Variants in FAM168B observed in about 807,000 individuals in gnomAD.
FAM168B encodes the protein myelin-associated neurite-outgrowth inhibitor.
Under a neutral mutation model 21.8 loss-of-function variants are expected in FAM168B, and 19 were observed. That is an observed-to-expected ratio of 0.87 (90% CI 0.61 to 1.28). The LOEUF (loss-of-function observed/expected upper bound fraction) is 1.28. Among genes scored for constraint, FAM168B ranks in the 50% most tolerant of loss-of-function variants. FAM168B has a pLI of 0.00. For synonymous variants in FAM168B, 126 were observed against 104.8 expected, an observed-to-expected ratio of 1.20 and a Z score of -1.24; for missense variants, 233 against 263.1, an observed-to-expected ratio of 0.89 and a Z score of 0.79.
chr2:131,073,078 T>G (rs1692953987), intron 2 of FAM168B, among the ~76,000 whole-genome samples: 1 of 152,142 alleles, frequency 6.6e-6, no homozygotes, highest in Admixed American at 6.5e-5. Context: ...TCATTTCAGG[T>G]TTTTTCACAT....
rs149324064 is a variant in FAM168B at position 131,054,525 on chromosome 2, T to C, written c.475+747A>G. On this transcript the variant is annotated intron_variant, in intron 5 of 6. Coordinates refer to ENST00000389915, the MANE Select transcript of FAM168B (RefSeq NM_001009993.4). ...GCACACATAATAACCCGGAATGCTT[T>C]TCTCTCTGGCATAATTTCCTTACAC... Among the ~76,000 whole-genome samples, 7 of 152,322 alleles carry C rather than the reference T, an allele frequency of 4.6e-5. No homozygotes were observed. In the East Asian group the frequency reaches 1.3e-3, roughly 29 times the overall value.
At position 131,092,222 on chromosome 2, in the gene FAM168B, C is replaced by G. The variant is rs373955699; in HGVS notation, c.-12+992G>C. Among the ~76,000 whole-genome samples, 5 of 151,416 alleles carry G rather than the reference C, an allele frequency of 3.3e-5. No individual in the cohort carries two copies. The East Asian group carries it at 5.8e-4, about 18-fold the overall frequency. Reference sequence around the variant, plus strand: ...AACTTGGGTATAATTTCCCTTTAAACTACGGAACTCCACCAAAGTAAGCCT... The same window carrying G: ...AACTTGGGTATAATTTCCCTTTAAAGTACGGAACTCCACCAAAGTAAGCCT... On this transcript the variant is annotated intron_variant, in intron 1 of 6. Transcript: ENST00000389915.
chr2:131,088,399 A>C (rs1351873227), intron 1 of FAM168B, among the ~76,000 whole-genome samples: 1 of 151,546 alleles, frequency 6.6e-6, no homozygotes, highest in African/African-American at 2.4e-5. Flanking sequence ...AGTTTCTTCA[A>C]TAAGGCAATG....
chr2:131,082,913 A>G (rs528394154), intron 1 of FAM168B, among the ~76,000 whole-genome samples: 18 of 152,248 alleles, frequency 1.2e-4, no homozygotes, highest in Admixed American at 6.5e-4. Context: ...ATTGTTAGCT[A>G]TATGTCCACT....
chr2:131,069,925 C>A (rs1188569763), intron 3 of FAM168B, among the ~76,000 whole-genome samples: 1 of 151,984 alleles, frequency 6.6e-6, no homozygotes, highest in African/African-American at 2.4e-5. Context: ...ATGGCACGAT[C>A]TCGGCTCACT....
intron 2 of FAM168B, among the ~76,000 whole-genome samples, chr2:131,077,214 A>G (rs1368004044): frequency 4.1e-5 from 4 of 98,532 alleles, no homozygotes; most frequent in African/African-American, 1.5e-4. Context: ...ATTACATTTA[A>G]AAAAAAAAAA....
Position 131,048,675 on chromosome 2 carries a change from T to C in FAM168B, c.*3790A>G, listed in dbSNP as rs926217002. ...ATGTCCTCTGCAGTATACTCAAGAG[T>C]CTGCTGCCCTTCAGAAAGCCAGAGG... On this transcript the variant is annotated 3_prime_UTR_variant, in exon 7 of 7. Coordinates refer to ENST00000389915, the MANE Select transcript of FAM168B (RefSeq NM_001009993.4). 2 of 989,880 alleles carry C rather than the reference T, an allele frequency of 2.0e-6. No homozygotes were observed. The highest frequency in any genetic ancestry group is 3.5e-5 in the African/African-American group (2 of 57,238). The allele number at this position is 989,880 out of a possible 1,614,324, so 61.3% of individuals were successfully genotyped here.
At chr2:131,086,868 A>G (rs1160312329) in intron 1 of FAM168B, among the ~76,000 whole-genome samples, 2 of 97,084 alleles carry the variant, frequency 2.1e-5, no homozygotes, top group Admixed American at 1.8e-4. Context: ...GATCGAGACC[A>G]TCCTGGCTAA....
At chr2:131,053,095 C>T in intron 5 of FAM168B, 80 bp from the exon 6 acceptor site, 1 of 1,453,016 alleles carries the variant, frequency 6.9e-7, no homozygotes, top group African/African-American at 1.5e-5. Context: ...CAAGCCTGGC[C>T]TCTTTGCAAG....
At position 131,071,979 on chromosome 2, in the gene FAM168B, G is replaced by A. The variant is rs748632097; in HGVS notation, c.71-41C>T. On this transcript the variant is annotated intron_variant, in intron 2 of 6. Coordinates refer to ENST00000389915, the MANE Select transcript of FAM168B (RefSeq NM_001009993.4). ...GAACAATCTCATGTCATCAACTGAA[G>A]TAGCGACAATCACTAGAGCTCCTGC... The A allele has an allele frequency of 5.2e-6, 8 of 1,553,070 alleles. No homozygotes were observed. The African/African-American group carries it at 1.2e-4, about 23-fold the overall frequency.
intron 2 of FAM168B, among the ~76,000 whole-genome samples, chr2:131,078,654 T>C (rs1693284831): frequency 2.0e-5 from 3 of 151,682 alleles, no homozygotes; most frequent in African/African-American, 7.3e-5. Context: ...GGTACACGGG[T>C]TGGGGGAAAT....
chr2:131,053,481 C>A (rs1048071500), intron 5 of FAM168B, among the ~76,000 whole-genome samples: 1 of 152,140 alleles, frequency 6.6e-6, no homozygotes, highest in Non-Finnish European at 1.5e-5. Context: ...AGGGAATTAG[C>A]GTTAATGAGT....
Position 131,055,283 on chromosome 2 carries a change from G to GCCATGGTGGTCCCAGCCACCATGC in FAM168B, c.440_463dup (p.Gly147_Met154dup), listed in dbSNP as rs1237684225. ...GAACGAGGACTTACCTGCTGACATG[G>GCCATGGTGGTCCCAGCCACCATGC]CCATGGTGGTCCCAGCCACCATGCC... On this transcript the variant is annotated inframe_insertion, in exon 5 of 7. Transcript: ENST00000389915. 6 of 1,573,762 alleles carry GCCATGGTGGTCCCAGCCACCATGC rather than the reference G, an allele frequency of 3.8e-6. No homozygotes were observed. The highest frequency in any genetic ancestry group is 5.1e-6 in the Non-Finnish European group (6 of 1,165,166).
intron 1 of FAM168B, among the ~76,000 whole-genome samples, chr2:131,084,880 G>A (rs78345034): frequency 3.3e-5 from 5 of 152,194 alleles, no homozygotes; most frequent in South Asian, 4.2e-4. Context: ...GCATCGCCAC[G>A]TCTGGCTCAT....
chr2:131,063,752 C>A (rs1176319377), intron 3 of FAM168B, among the ~76,000 whole-genome samples: 1 of 152,088 alleles, frequency 6.6e-6, no homozygotes, highest in Non-Finnish European at 1.5e-5. Context: ...ACACTCCAGC[C>A]TGGGCGACTG....
intron 5 of FAM168B, among the ~76,000 whole-genome samples, chr2:131,054,462 A>G (rs764719010): frequency 2.0e-5 from 3 of 152,202 alleles, no homozygotes; most frequent in Non-Finnish European, 2.9e-5. Context: ...TCCTTGACAG[A>G]TAAGTATGGG....
In FAM168B at chr2:131,078,023, T is replaced by C. The variant is rs145176958; in HGVS notation, c.70+4554A>G. Among the ~76,000 whole-genome samples, 200 of 152,202 alleles carry C rather than the reference T, an allele frequency of 1.3e-3. 3 individuals are homozygous for C. The highest frequency in any genetic ancestry group is 4.6e-3 in the African/African-American group (189 of 41,524). On this transcript the variant is annotated intron_variant, in intron 2 of 6. Coordinates refer to ENST00000389915, the MANE Select transcript of FAM168B (RefSeq NM_001009993.4). The stretch of plus-strand genomic sequence containing the variant: ...AAATGCATCTAAGCCCAGCTCCAAG[T>C]GGATTAAGAAGACCATTCAGCATGC...
Position 131,048,528 on chromosome 2 carries a change from G to A in FAM168B, c.*3937C>T, listed in dbSNP as rs867694404. The A allele has an allele frequency of 6.3e-6, 7 of 1,118,706 alleles. No individual in the cohort carries two copies. Among genetic ancestry groups the A allele is most frequent in the Middle Eastern group, 4.1e-4 (1 of 2,414 alleles). The allele number at this position is 1,118,706 out of a possible 1,614,324, so 69.3% of individuals were successfully genotyped here. ...AGGCTCTCTCTTCTTCAAATAATGA[G>A]TAGGAAAAAGAGACAAACTTTCTGA... On this transcript the variant is annotated 3_prime_UTR_variant, in exon 7 of 7. Transcript: ENST00000389915.
chr2:131,075,454 AACT>A (rs1413606292), intron 2 of FAM168B, among the ~76,000 whole-genome samples: 3 of 151,880 alleles, frequency 2.0e-5, no homozygotes, highest in African/African-American at 7.3e-5. Flanking sequence ...GTCCCTGAAA[AACT>A]ACTGTCTTCT....
Sources: allele counts gnomAD v4.1 joint callset (sites outside exome capture counted in the v4.1 genomes callset), GRCh38; gene constraint gnomAD v4.1.1; transcripts MANE v1.5; gene names NCBI Gene and HGNC (gene_info 2026-07-23, HGNC 2026-07-21).